The following KCP variants were observed in gnomAD, a reference collection of about 807,000 sequenced individuals.
KCP encodes the protein kielin cysteine rich BMP regulator.
KCP carries 194 observed loss-of-function variants against 212.7 expected under a neutral mutation model. The ratio of observed to expected loss-of-function variants is 0.91; its 90% CI spans 0.81 to 1.03. The LOEUF (loss-of-function observed/expected upper bound fraction) is 1.03, where lower values mean the gene tolerates loss of function less well. Ranked by LOEUF, KCP falls within the 50% of genes least tolerant of loss-of-function variation. The pLI, the probability that KCP is intolerant of heterozygous loss-of-function variation, is 0.00. For synonymous variants in KCP, 833 were observed against 865.3 expected, an observed-to-expected ratio of 0.96 and a Z score of 0.65; for missense variants, 2,080 against 2,162.5, an observed-to-expected ratio of 0.96 and a Z score of 0.76.
chr7:128,909,952 CCTT>C (rs1339911307), intron 1 of KCP, among the ~76,000 whole-genome samples: 1 of 152,174 alleles, frequency 6.6e-6, no homozygotes, highest in East Asian at 1.9e-4. Context: ...GCATCTGAAA[CCTT>C]CTACCCAATC....
chr7:128,907,676 C>T (rs1377458720), intron 2 of KCP, among the ~76,000 whole-genome samples: 1 of 152,202 alleles, frequency 6.6e-6, no homozygotes, highest in Non-Finnish European at 1.5e-5. Context: ...ACCCTTGCCC[C>T]AAGAATTAAA....
At chr7:128,885,881 G>A (rs1451881019) in intron 26 of KCP, among the ~76,000 whole-genome samples, 1 of 150,826 alleles carries the variant, frequency 6.6e-6, no homozygotes, top group Non-Finnish European at 1.5e-5. Flanking sequence ...TTTCTCGTCT[G>A]TAAAATAGGA....
At chr7:128,908,251 G>GAAGAAAGAAAGAAAAAGAAAGA (rs1232570772) in intron 2 of KCP, among the ~76,000 whole-genome samples, 175 bp downstream of exon 2, 1 of 101,212 alleles carries the variant, frequency 9.9e-6, no homozygotes, top group African/African-American at 3.9e-5. Context: ...AAGAAAGAAA[G>GAAGAAAGAAAGAAAAAGAAAGA]AAGAAAGAAA....
intron 4 of KCP, among the ~76,000 whole-genome samples, chr7:128,906,799 T>A (rs2128950675): frequency 6.6e-6 from 1 of 151,302 alleles, no homozygotes; most frequent in Non-Finnish European, 1.5e-5. Context: ...GCAAAAGTAA[T>A]TGCGGTTTTT....
At chr7:128,882,087 T>G (rs907311298) in intron 29 of KCP, 71 bp from the exon 30 acceptor site, 1 of 1,185,506 alleles carries the variant, frequency 8.4e-7, no homozygotes, top group Non-Finnish European at 1.2e-6. Flanking sequence ...GCTGTCCCCA[T>G]GCACTGTGTC....
In KCP at chr7:128,910,691, G is replaced by T; in HGVS notation, c.-15C>A. The T allele has an allele frequency of 1.3e-6, 2 of 1,483,678 alleles. No individual in the cohort carries two copies. Among genetic ancestry groups the T allele is most frequent in the Non-Finnish European group, 1.8e-6 (2 of 1,123,402 alleles). The allele number at this position is 1,483,678 out of a possible 1,614,324, so 91.9% of individuals were successfully genotyped here. A position where few individuals can be genotyped will look rare whatever the true frequency, so the allele number is the denominator to read the frequency against. ...ACCCCGGCCATGCTAGCTCCGCCTC[G>T]CTCGGCTCGCCGTCTGTCGTCGCGG... On this transcript the variant is annotated 5_prime_UTR_variant, in exon 1 of 40. Coordinates refer to ENST00000610776, the MANE Select transcript of KCP (RefSeq NM_001366122.1).
intron 1 of KCP, 146 bp from the exon 2 acceptor site, chr7:128,908,714 G>A (rs549661822): frequency 1.1e-5 from 10 of 878,536 alleles, no homozygotes; most frequent in South Asian, 9.3e-5. Context: ...ATCCAGGGCC[G>A]GGAAGCCAGC....
chr7:128,880,448 A>C lies in KCP; in HGVS notation c.3697T>G (p.Ser1233Ala). The change falls in exon 34 of 40, where the codon TCC becomes GCC. Residue 1233 changes from serine to alanine, a missense_variant. Ser to Ala is a moderately conservative substitution (Grantham distance 99). Coordinates refer to ENST00000610776, the MANE Select transcript of KCP (RefSeq NM_001366122.1). ...CAACGCACGGTGCCCGCCATGCAGG[A>C]GCAGCTGGTGCAGGTGTCCACAGTC... ...RWTVDTCTSCSCMAGTVRCQS... is the reference protein window; with the variant it reads ...RWTVDTCTSCACMAGTVRCQS... The C allele has an allele frequency of 6.5e-7, 1 of 1,547,594 alleles. No individual in the cohort carries two copies. The highest frequency in any genetic ancestry group is 8.7e-7 in the Non-Finnish European group (1 of 1,145,192).
At chr7:128,894,628 T>C (rs1794409035) in intron 8 of KCP, among the ~76,000 whole-genome samples, 1 of 152,154 alleles carries the variant, frequency 6.6e-6, no homozygotes, top group South Asian at 2.1e-4. Context: ...CAGGTTGAGA[T>C]GGAGTTTTGC....
intron 22 of KCP, 139 bp from the exon 23 acceptor site, chr7:128,887,439 A>G: frequency 1.4e-6 from 1 of 693,418 alleles, no homozygotes; most frequent in Non-Finnish European, 2.6e-6. Flanking sequence ...ACATACCCAT[A>G]TACACAGCCA....
intron 4 of KCP, among the ~76,000 whole-genome samples, chr7:128,906,595 C>G (rs977327697): frequency 1.3e-5 from 2 of 152,070 alleles, no homozygotes; most frequent in African/African-American, 4.8e-5. Flanking sequence ...GGTGCCAGCA[C>G]ATTCCCCAGA....
Position 128,877,514 on chromosome 7 carries a change from T to C in KCP, c.4588A>G (p.Thr1530Ala). Residue 1530 changes from threonine (T) to alanine (A), a missense_variant, in exon 39 of 40, where the codon ACA (threonine) becomes GCA (alanine). Transcript: ENST00000610776. ...AGCGTGGGGCCTCGCCAGGTAGGTG[T>C]CACTCCTGCCTGGCGACAGTGACTG... is the stretch of plus-strand genomic sequence containing the variant. ...YASHCRQAGV[T>A]PTWRGPTLCV... The C allele has an allele frequency of 6.4e-7, 1 of 1,551,286 alleles. No homozygotes were observed. The highest frequency in any genetic ancestry group is 1.2e-5 in the South Asian group (1 of 84,060).
chr7:128,888,871 G>A lies in KCP; in HGVS notation c.2504C>T (p.Thr835Ile). 1 of 1,549,352 alleles carries A rather than the reference G, an allele frequency of 6.5e-7. No individual in the cohort carries two copies. Among genetic ancestry groups the A allele is most frequent in the South Asian group, 1.2e-5 (1 of 83,980 alleles). ...PLIPSGHCCP[T>I]CQGCRYHGVT... ...GGCAGGTGTGGCTCTACCCTGGCAG[G>A]TCGGGCAGCAGTGCCCAGAGGGGAT... is the stretch of plus-strand genomic sequence containing the variant. The change falls in exon 22 of 40, where the codon ACC becomes ATC. Residue 835 changes from threonine to isoleucine, a missense_variant. Coordinates refer to ENST00000610776, the MANE Select transcript of KCP (RefSeq NM_001366122.1).
intron 8 of KCP, among the ~76,000 whole-genome samples, chr7:128,902,238 TAAC>T (rs1337030098): frequency 2.0e-5 from 3 of 152,248 alleles, no homozygotes; most frequent in Non-Finnish European, 4.4e-5. Flanking sequence ...AAATTAATTT[TAAC>T]AACATATTTC....
Position 128,893,983 on chromosome 7 carries a change from C to T in KCP, c.998G>A (p.Arg333His), listed in dbSNP as rs539087161. 7.7e-6 allele frequency: 12 copies of T among 1,550,032 alleles called. No individual in the cohort carries two copies. Among genetic ancestry groups the T allele is most frequent in the East Asian group, 2.4e-5 (1 of 40,890 alleles). The change falls in exon 10 of 40, where the codon CGC becomes CAC. Residue 333 changes from arginine (R) to histidine (H), a missense_variant. Arg to His is a conservative substitution (Grantham distance 29). Transcript: ENST00000610776. The stretch of plus-strand genomic sequence containing the variant: ...CCAGGCAGCCACACTCACAGCACAG[C>T]GGCAGTGCGAGCAGGGGTCCCCTGA... ...VGSGDPCSHCRCANGSVQCEP... is the reference protein window; with the variant it reads ...VGSGDPCSHCHCANGSVQCEP...
At chr7:128,893,940 G>A (rs771161615) in intron 10 of KCP, 36 bp downstream of exon 10, 29 of 1,549,514 alleles carry the variant, frequency 1.9e-5, no homozygotes, top group Non-Finnish European at 2.2e-5. Flanking sequence ...GGCAGGCCCC[G>A]GAGCCAGGCC....
intron 13 of KCP, 55 bp from the exon 14 acceptor site, chr7:128,893,076 C>A: frequency 1.1e-6 from 1 of 906,040 alleles, no homozygotes; most frequent in Non-Finnish European, 1.8e-6. Context: ...CCATCCCTGT[C>A]CTTCCCAGGA....
chr7:128,883,831 C>T (rs1442042153), intron 29 of KCP, among the ~76,000 whole-genome samples, 171 bp downstream of exon 29: 1 of 152,258 alleles, frequency 6.6e-6, no homozygotes, highest in Non-Finnish European at 1.5e-5. Context: ...GGGTTCCTGT[C>T]AGCTTCCCCA....
In KCP at chr7:128,880,394, A is replaced by G; in HGVS notation, c.3751T>C (p.Cys1251Arg). 2 of 1,532,700 alleles carry G rather than the reference A, an allele frequency of 1.3e-6. No individual in the cohort carries two copies. The highest frequency in any genetic ancestry group is 1.7e-4 in the Middle Eastern group (1 of 5,814). 94.9% of individuals were successfully genotyped at this position (1,532,700 alleles called of 1,614,324 possible). The change falls in exon 34 of 40, where the codon TGT (cysteine) becomes CGT (arginine). Residue 1251 changes from cysteine (C) to arginine (R), a missense_variant. Cys to Arg is a radical substitution (Grantham distance 180). Transcript: ENST00000610776. The part of the protein sequence containing the change: ...CQSQRCSPLS[C>R]GPDKAPALSP... ...TAGATTGCGGCACTCACGGGGCCAC[A>G]CGAGAGCGGTGAGCAGCGCTGGCTC...
Sources: allele counts gnomAD v4.1 joint callset (sites outside exome capture counted in the v4.1 genomes callset), GRCh38; gene constraint gnomAD v4.1.1; transcripts MANE v1.5; gene names NCBI Gene and HGNC (gene_info 2026-07-23, HGNC 2026-07-21).